The following PACSIN1 variants were observed in gnomAD, a reference collection of about 807,000 sequenced individuals.
The protein encoded by PACSIN1 is protein kinase C and casein kinase substrate in neurons 1.
Under a neutral mutation model 59.5 loss-of-function variants are expected in PACSIN1, and 15 were observed. The observed-to-expected ratio is 0.25, with a 90% confidence interval of 0.17 to 0.39. PACSIN1 has a LOEUF of 0.39. Ranked by LOEUF, PACSIN1 falls within the 10% of genes least tolerant of loss-of-function variation. The probability of loss-of-function intolerance (pLI) is 1.00; values close to 1 mark genes in which losing one functional copy is unlikely to be tolerated. For synonymous variants in PACSIN1, 210 were observed against 220.6 expected (o/e 0.95, Z 0.42); for missense variants, 420 against 580.2 (o/e 0.72, Z 2.84).
chr6:34,474,790 G>GAAA (rs60232588), intron 1 of PACSIN1, among the ~76,000 whole-genome samples: 2,082 of 78,260 alleles, frequency 0.027, 82 homozygotes, highest in Middle Eastern at 0.035. Context: ...CTCTGTCTCA[G>GAAA]AAAAAAAAAA....
At position 34,496,806 on chromosome 6, in the gene PACSIN1, G is replaced by A. The variant is rs557458453; in HGVS notation, c.-63-29437G>A. 9.2e-5 allele frequency among the ~76,000 whole-genome samples: 14 copies of A among 152,120 alleles called. No individual in the cohort carries two copies. In the East Asian group the frequency reaches 1.5e-3, roughly 17 times the overall value. On this transcript the variant is annotated intron_variant, in intron 1 of 9. Transcript: ENST00000244458. ...GTGGAAGATTTGTGCATAGGCTTTG[G>A]AGCTGGATACAATAGAGTGAATCCT...
intron 1 of PACSIN1, among the ~76,000 whole-genome samples, chr6:34,502,784 A>G (rs1484909535): frequency 6.6e-6 from 1 of 152,110 alleles, no homozygotes; most frequent in African/African-American, 2.4e-5. Flanking sequence ...CATCTTGGAC[A>G]TTTTAGCCCC....
rs372692887 is a variant in PACSIN1 at position 34,511,406 on chromosome 6, G to A, written c.-63-14837G>A. Among the ~76,000 whole-genome samples the A allele has an allele frequency of 2.1e-4, 32 of 152,290 alleles. No homozygotes were observed. The South Asian group carries it at 6.2e-3, about 30-fold the overall frequency. Reference sequence around the variant, plus strand: ...GGTGGTGCCCAGGCTGCTGGGCCTTGGATAGCGAGGCCTTAACTGCCCAGA... The same window carrying A: ...GGTGGTGCCCAGGCTGCTGGGCCTTAGATAGCGAGGCCTTAACTGCCCAGA... On this transcript the variant is annotated intron_variant, in intron 1 of 9. Transcript: ENST00000244458.
chr6:34,497,645 A>C (rs1230173554), intron 1 of PACSIN1, among the ~76,000 whole-genome samples: 1 of 151,424 alleles, frequency 6.6e-6, no homozygotes, highest in Non-Finnish European at 1.5e-5. Context: ...ACTGTCCATC[A>C]CTCTGTTGCC....
At position 34,513,550 on chromosome 6, in the gene PACSIN1, G is replaced by A. The variant is rs139255980; in HGVS notation, c.-63-12693G>A. ...CCACCACCCACACTGTCCCTCCTGGGGGTGGCAGAAGTCTAGAAGCCTGTG... is the reference window on the plus strand; with the variant it reads ...CCACCACCCACACTGTCCCTCCTGGAGGTGGCAGAAGTCTAGAAGCCTGTG... On this transcript the variant is annotated intron_variant, in intron 1 of 9. Coordinates refer to ENST00000244458, the MANE Select transcript of PACSIN1 (RefSeq NM_020804.5). 4.4e-3 allele frequency among the ~76,000 whole-genome samples: 670 copies of A among 152,238 alleles called. 8 individuals are homozygous for A. Among genetic ancestry groups the A allele is most frequent in the African/African-American group, 0.015 (630 of 41,528 alleles).
chr6:34,469,596 G>T (rs914297108), intron 1 of PACSIN1, among the ~76,000 whole-genome samples: 2 of 152,226 alleles, frequency 1.3e-5, no homozygotes, highest in African/African-American at 4.8e-5. Flanking sequence ...GGCCTTTCAG[G>T]TCATGTCCAT....
chr6:34,493,701 A>AC (rs1358687904), intron 1 of PACSIN1, among the ~76,000 whole-genome samples: 1 of 152,112 alleles, frequency 6.6e-6, no homozygotes, highest in East Asian at 1.9e-4. Context: ...CCCTTGGACC[A>AC]CCCCCACTTG....
chr6:34,520,096 G>A (rs1767361724), intron 1 of PACSIN1, among the ~76,000 whole-genome samples: 1 of 152,068 alleles, frequency 6.6e-6, no homozygotes, highest in Admixed American at 6.5e-5. Flanking sequence ...AGTGATGGGA[G>A]GGAGGATGGC....
intron 1 of PACSIN1, among the ~76,000 whole-genome samples, chr6:34,493,856 G>GC: frequency 6.6e-6 from 1 of 152,244 alleles, no homozygotes; most frequent in Admixed American, 6.5e-5. Flanking sequence ...TGGGAAGGGA[G>GC]CAGGGGTAAG....
chr6:34,512,655 A>C (rs1767222785), intron 1 of PACSIN1, among the ~76,000 whole-genome samples: 1 of 152,196 alleles, frequency 6.6e-6, no homozygotes, highest in Admixed American at 6.5e-5. Context: ...CAAGGCTGGA[A>C]GTCACTTCTG....
intron 1 of PACSIN1, among the ~76,000 whole-genome samples, chr6:34,489,122 A>G (rs1766835024): frequency 6.6e-6 from 1 of 151,302 alleles, no homozygotes; most frequent in Non-Finnish European, 1.5e-5. Flanking sequence ...TGGAGGTTGT[A>G]GTGAGCCGAG....
chr6:34,471,901 A>G (rs1397770793), intron 1 of PACSIN1, among the ~76,000 whole-genome samples: 1 of 152,204 alleles, frequency 6.6e-6, no homozygotes, highest in Non-Finnish European at 1.5e-5. Context: ...GATTTAATCA[A>G]TGGATCTCTG....
In PACSIN1 at chr6:34,526,376, T is replaced by A; in HGVS notation, c.63+8T>A. 1 of 1,610,984 alleles carries A rather than the reference T, an allele frequency of 6.2e-7. No homozygotes were observed. The highest frequency in any genetic ancestry group is 2.2e-5 in the East Asian group (1 of 44,834). ...ACCGACAGCTTCTGGGAGGTGAGGC[T>A]CTCATGATCCCCAGGTTCGGGGACC... On this transcript the variant is annotated splice_region_variant and intron_variant, in intron 2 of 9. Coordinates refer to ENST00000244458, the MANE Select transcript of PACSIN1 (RefSeq NM_020804.5).
chr6:34,475,731 C>T (rs776732572), intron 1 of PACSIN1, among the ~76,000 whole-genome samples: 3 of 152,214 alleles, frequency 2.0e-5, no homozygotes, highest in Admixed American at 6.5e-5. Flanking sequence ...GGTACCCCAC[C>T]TGATAGAAGG....
At chr6:34,527,658 C>A in intron 3 of PACSIN1, 170 bp downstream of exon 3, 1 of 425,186 alleles carries the variant, frequency 2.4e-6, no homozygotes, top group Non-Finnish European at 4.0e-6. Context: ...CTGTTCATCT[C>A]TATTTTGTAC....
intron 1 of PACSIN1, among the ~76,000 whole-genome samples, chr6:34,486,456 C>T (rs1581962271): frequency 2.6e-5 from 4 of 152,240 alleles, no homozygotes; most frequent in East Asian, 1.9e-4. Flanking sequence ...CTGGAGGCCA[C>T]GGGGTATGGA....
In PACSIN1 at chr6:34,521,599, C is replaced by G. The variant is rs1385280124; in HGVS notation, c.-63-4644C>G. ...AGCTGGCTCCAGAGCCCTGCACCCC[C>G]CAGTCTGCACTTCACAGGCTGCATC... On this transcript the variant is annotated intron_variant, in intron 1 of 9. Coordinates refer to ENST00000244458, the MANE Select transcript of PACSIN1 (RefSeq NM_020804.5). The surrounding 1 kb of genome is among the most constrained non-coding windows in gnomAD (Gnocchi z 4.3). Among the ~76,000 whole-genome samples the G allele has an allele frequency of 6.6e-6, 1 of 152,150 alleles. No homozygotes were observed. The highest frequency in any genetic ancestry group is 6.5e-5 in the Admixed American group (1 of 15,286).
chr6:34,515,988 G>C lies in PACSIN1; in HGVS notation c.-63-10255G>C, dbSNP rs147099358. Among the ~76,000 whole-genome samples the C allele has an allele frequency of 0.012, 1,830 of 152,220 alleles. 14 individuals are homozygous for C. Among genetic ancestry groups the C allele is most frequent in the Middle Eastern group, 0.02 (6 of 294 alleles). ...GGGGGCCCACAGGAGTTCACGGTGG[G>C]GCACACCTGGTCCAGTTTTGCCCTG... On this transcript the variant is annotated intron_variant, in intron 1 of 9. Coordinates refer to ENST00000244458, the MANE Select transcript of PACSIN1 (RefSeq NM_020804.5). The surrounding 1 kb of genome is among the most constrained non-coding windows in gnomAD (Gnocchi z 4.4).
At chr6:34,507,083 T>A (rs1252177582) in intron 1 of PACSIN1, among the ~76,000 whole-genome samples, 1 of 152,236 alleles carries the variant, frequency 6.6e-6, no homozygotes, top group Admixed American at 6.5e-5. Context: ...TCTCTGCTGA[T>A]CCTTTGGCTA....
Sources: allele counts gnomAD v4.1 joint callset (sites outside exome capture counted in the v4.1 genomes callset), GRCh38; gene constraint gnomAD v4.1.1; non-coding constraint Gnocchi (gnomAD v3.1); transcripts MANE v1.5; gene names NCBI Gene and HGNC (gene_info 2026-07-23, HGNC 2026-07-21).